ECI2: variants seen among roughly 807,000 people sequenced by gnomAD.
The protein encoded by ECI2 is enoyl-CoA delta isomerase 2.
ECI2 carries 27 observed loss-of-function variants against 38.4 expected under a neutral mutation model. That is an observed-to-expected ratio of 0.70 (90% CI 0.52 to 0.97). The LOEUF (loss-of-function observed/expected upper bound fraction) is 0.97, where lower values mean the gene tolerates loss of function less well. ECI2 is among the 50% of genes least tolerant of loss of function. The probability of loss-of-function intolerance (pLI) is 0.00; values close to 1 mark genes in which losing one functional copy is unlikely to be tolerated. For synonymous variants in ECI2, 168 were observed against 172.0 expected (o/e 0.98, Z 0.18); for missense variants, 470 against 474.4 (o/e 0.99, Z 0.09).
chr6:4,135,321 C>T, intron 1 of ECI2, 190 bp downstream of exon 1: 1 of 1,452,634 alleles, frequency 6.9e-7, no homozygotes, highest in Non-Finnish European at 9.1e-7. Context: ...CCACTCCGGG[C>T]CCAGCGGTGC....
At chr6:4,130,740 T>G (rs1489846727) in intron 3 of ECI2, 27 bp downstream of exon 3, 1 of 1,612,618 alleles carries the variant, frequency 6.2e-7, no homozygotes, top group East Asian at 2.2e-5. Flanking sequence ...GTACAGCAAA[T>G]AAAAGCACAG....
chr6:4,119,367 C>CTGCA, intron 7 of ECI2, 92 bp from the exon 8 acceptor site: 3 of 1,012,938 alleles, frequency 3.0e-6, no homozygotes, highest in Non-Finnish European at 4.3e-6. Context: ...TTTGCCCAGG[C>CTGCA]TGCAGTGAAG....
At chr6:4,124,435 G>A (rs1472860925) in intron 7 of ECI2, among the ~76,000 whole-genome samples, 1 of 152,180 alleles carries the variant, frequency 6.6e-6, no homozygotes, top group Admixed American at 6.5e-5. Context: ...CTAGAAGGCT[G>A]CAATCATCAG....
intron 7 of ECI2, among the ~76,000 whole-genome samples, chr6:4,124,380 T>C (rs1260043499): frequency 6.6e-6 from 1 of 152,228 alleles, no homozygotes; most frequent in African/African-American, 2.4e-5. Context: ...AAAATACCTC[T>C]GAACAAAACT....
At chr6:4,134,915 A>T (rs774087393) in intron 1 of ECI2, among the ~76,000 whole-genome samples, 2 of 152,254 alleles carry the variant, frequency 1.3e-5, no homozygotes. Context: ...AAAATCACTC[A>T]TAATTCTACC....
At position 4,126,210 on chromosome 6, in the gene ECI2, T is replaced by C; in HGVS notation, c.599A>G (p.Asn200Ser). ...TGNGDYYSSG[N>S]DLTNFTDIPP... ...AATATCAGTGAAGTTAGTCAGATCATTCCCACTACTGTAATAGTCACCATT... is the reference window on the plus strand; with the variant it reads ...AATATCAGTGAAGTTAGTCAGATCACTCCCACTACTGTAATAGTCACCATT... The change falls in exon 6 of 10, where the codon AAT becomes AGT. Residue 200 changes from asparagine to serine, a missense_variant. By Grantham distance (46) the Asn-to-Ser change is conservative. Transcript: ENST00000380118. The C allele has an allele frequency of 6.2e-7, 1 of 1,613,588 alleles. No individual in the cohort carries two copies.
chr6:4,133,495 TAAG>T (rs1186772508), intron 2 of ECI2, 51 bp downstream of exon 2: 2 of 1,552,736 alleles, frequency 1.3e-6, no homozygotes, highest in African/African-American at 1.4e-5. Flanking sequence ...TGTATTTATT[TAAG>T]AAGTCATTTG....
intron 5 of ECI2, among the ~76,000 whole-genome samples, chr6:4,127,213 G>A (rs960892369): frequency 2.0e-5 from 3 of 151,976 alleles, no homozygotes; most frequent in African/African-American, 7.3e-5. Context: ...ATGTGTTTTT[G>A]AACATTTGTT....
At chr6:4,125,901 A>G (rs1773121112) in intron 6 of ECI2, 1 of 639,098 alleles carries the variant, frequency 1.6e-6, no homozygotes, top group East Asian at 3.1e-5. Context: ...GCTCACTTTT[A>G]TGTTTTCCAG....
At chr6:4,130,904 G>T in intron 2 of ECI2, 39 bp from the exon 3 acceptor site, 1 of 1,583,814 alleles carries the variant, frequency 6.3e-7, no homozygotes, top group South Asian at 1.1e-5. Flanking sequence ...AAATGTCCAT[G>T]TAAACTAGAC....
chr6:4,122,112 G>A, intron 7 of ECI2: 1 of 1,010,416 alleles, frequency 9.9e-7, no homozygotes, highest in East Asian at 2.6e-5. Context: ...GCAGCAGGTG[G>A]AGTTAAGGGT....
chr6:4,116,800 T>A (rs980015998), intron 9 of ECI2, among the ~76,000 whole-genome samples: 1 of 152,174 alleles, frequency 6.6e-6, no homozygotes, highest in African/African-American at 2.4e-5. Flanking sequence ...TTCTCAAAAT[T>A]CAGTGTGCAT....
At chr6:4,117,132 A>C (rs1165952900) in intron 9 of ECI2, among the ~76,000 whole-genome samples, 176 bp downstream of exon 9, 1 of 152,242 alleles carries the variant, frequency 6.6e-6, no homozygotes, top group Non-Finnish European at 1.5e-5. Flanking sequence ...TTTTGTAAAA[A>C]TCAGTACTGC....
At chr6:4,135,133 C>T (rs1561661355) in intron 1 of ECI2, 3 of 520,818 alleles carry the variant, frequency 5.8e-6, no homozygotes, top group Non-Finnish European at 1.1e-5. Flanking sequence ...TAGCAAGCGA[C>T]GCTTTGCACC....
chr6:4,128,465 A>G (rs1316791897), intron 4 of ECI2, among the ~76,000 whole-genome samples: 1 of 152,166 alleles, frequency 6.6e-6, no homozygotes, highest in African/African-American at 2.4e-5. Context: ...AACAGGTGCA[A>G]TTTCAACCTT....
Position 4,127,235 on chromosome 6 carries a change from G to A in ECI2, c.571+527C>T, listed in dbSNP as rs1490074403. Among the ~76,000 whole-genome samples, 6 of 151,888 alleles carry A rather than the reference G, an allele frequency of 4.0e-5. No homozygotes were observed. In the East Asian group the frequency reaches 1.2e-3, roughly 29 times the overall value. On this transcript the variant is annotated intron_variant, in intron 5 of 9. Coordinates refer to ENST00000380118, the MANE Select transcript of ECI2 (RefSeq NM_206836.3). The stretch of plus-strand genomic sequence containing the variant: ...TTTGAACATTTGTTTTCTGGTTTTG[G>A]CCGTTATAAATCAGGTTACCATGTC...
At chr6:4,118,845 G>C (rs1772459602) in intron 8 of ECI2, 1 of 181,018 alleles carries the variant, frequency 5.5e-6, no homozygotes, top group Non-Finnish European at 1.2e-5. Context: ...AGGGGACCAA[G>C]GGAGGCTGGC....
Position 4,115,928 on chromosome 6 carries a change from T to G in ECI2, c.1131A>C (p.Ser377=). The G allele has an allele frequency of 3.1e-6, 5 of 1,614,244 alleles. No homozygotes were observed. Among genetic ancestry groups the G allele is most frequent in the Non-Finnish European group, 4.2e-6 (5 of 1,180,048 alleles). ...ECNVLQGRWL[S]DECTNAVVNF... ...TCACCACAGCATTTGTGCATTCATCTGATAGCCATCTTCCCTGAAGGACAT... is the reference window on the plus strand; with the variant it reads ...TCACCACAGCATTTGTGCATTCATCGGATAGCCATCTTCCCTGAAGGACAT... Residue 377 remains serine, a synonymous_variant, in exon 10 of 10, where the codon TCA becomes TCC. Coordinates refer to ENST00000380118, the MANE Select transcript of ECI2 (RefSeq NM_206836.3).
intron 5 of ECI2, among the ~76,000 whole-genome samples, chr6:4,127,540 G>A (rs1406794983): frequency 1.3e-5 from 2 of 150,646 alleles, no homozygotes; most frequent in Non-Finnish European, 2.9e-5. Flanking sequence ...TCAGCCTCCT[G>A]AGTAGCTGGG....
Sources: allele counts gnomAD v4.1 joint callset (sites outside exome capture counted in the v4.1 genomes callset), GRCh38; gene constraint gnomAD v4.1.1; transcripts MANE v1.5; gene names NCBI Gene and HGNC (gene_info 2026-07-23, HGNC 2026-07-21).